The following MNAT1 variants were observed in gnomAD, a reference collection of about 807,000 sequenced individuals.
MNAT1 encodes MNAT1 component of CDK activating kinase.
MNAT1 carries 43 observed loss-of-function variants against 42.0 expected under a neutral mutation model. The ratio of observed to expected loss-of-function variants is 1.02; its 90% confidence interval spans 0.80 to 1.32. The LOEUF (loss-of-function observed/expected upper bound fraction) is 1.32, where lower values mean the gene tolerates loss of function less well. Ranked by LOEUF, MNAT1 falls within the 40% of genes most tolerant of loss-of-function variation. MNAT1 has a pLI of 0.00. For synonymous variants in MNAT1, 118 were observed against 120.0 expected, an observed-to-expected ratio of 0.98 and a Z score of 0.11; for missense variants, 306 against 350.4, an observed-to-expected ratio of 0.87 and a Z score of 1.01.
chr14:60,927,738 C>T (rs2035796171), intron 7 of MNAT1, among the ~76,000 whole-genome samples: 1 of 152,110 alleles, frequency 6.6e-6, no homozygotes, highest in South Asian at 2.1e-4. Flanking sequence ...GCTGCCTCTA[C>T]CCACGGTGAG....
In MNAT1 at chr14:60,894,095, C is replaced by G. The variant is rs190633770; in HGVS notation, c.809+14260C>G. ...GGGCACAGGGCTGTTTCCTGCCTCTCCCCTAGACTTATGCTTTGCATCAGT... is the reference window on the plus strand; with the variant it reads ...GGGCACAGGGCTGTTTCCTGCCTCTGCCCTAGACTTATGCTTTGCATCAGT... On this transcript the variant is annotated intron_variant, in intron 7 of 7. Coordinates refer to ENST00000261245, the MANE Select transcript of MNAT1 (RefSeq NM_002431.4). 1.7e-3 allele frequency among the ~76,000 whole-genome samples: 261 copies of G among 152,230 alleles called. 1 individual carries two copies. The highest frequency in any genetic ancestry group is 5.6e-3 in the African/African-American group (231 of 41,530).
At chr14:60,917,943 T>C (rs186089052) in intron 7 of MNAT1, among the ~76,000 whole-genome samples, 36 of 152,214 alleles carry the variant, frequency 2.4e-4, no homozygotes, top group African/African-American at 8.7e-4. Flanking sequence ...TGTTACTTCT[T>C]CTGGTTCCAC....
At chr14:60,914,114 C>A (rs1391227496) in intron 7 of MNAT1, among the ~76,000 whole-genome samples, 1 of 152,178 alleles carries the variant, frequency 6.6e-6, no homozygotes, top group Non-Finnish European at 1.5e-5. Context: ...GGGCGTAGGA[C>A]CCTCCGAGCC....
At chr14:60,841,586 C>G (rs544710105) in intron 6 of MNAT1, among the ~76,000 whole-genome samples, 150 of 152,190 alleles carry the variant, frequency 9.9e-4, no homozygotes, top group Non-Finnish European at 1.8e-3. Context: ...TATCCTTGTC[C>G]TGCTAATTTC....
intron 1 of MNAT1, among the ~76,000 whole-genome samples, chr14:60,770,777 T>G (rs2031022652): frequency 6.6e-6 from 1 of 152,216 alleles, no homozygotes; most frequent in Non-Finnish European, 1.5e-5. Context: ...TCTTAATTTG[T>G]ATATTTGTTC....
At chr14:60,779,458 A>G (rs2031368127) in intron 1 of MNAT1, among the ~76,000 whole-genome samples, 1 of 152,162 alleles carries the variant, frequency 6.6e-6, no homozygotes, top group African/African-American at 2.4e-5. Flanking sequence ...CTTCTCTTGA[A>G]AGTTTCCCGT....
At chr14:60,737,438 T>G (rs1442928346) in intron 1 of MNAT1, among the ~76,000 whole-genome samples, 1 of 152,136 alleles carries the variant, frequency 6.6e-6, no homozygotes, top group African/African-American at 2.4e-5. Context: ...ATTATGTATA[T>G]TGGATAATCT....
chr14:60,884,860 A>G (rs1036963101), intron 7 of MNAT1, among the ~76,000 whole-genome samples: 1 of 152,004 alleles, frequency 6.6e-6, no homozygotes, highest in Non-Finnish European at 1.5e-5. Flanking sequence ...AACCCCCTTT[A>G]GCATTTCTTG....
chr14:60,950,769 G>C (rs2036366936), intron 7 of MNAT1, among the ~76,000 whole-genome samples: 1 of 152,070 alleles, frequency 6.6e-6, no homozygotes, highest in Admixed American at 6.5e-5. Context: ...TTCATAATTT[G>C]TGGTGATAAT....
intron 7 of MNAT1, among the ~76,000 whole-genome samples, chr14:60,880,280 A>G (rs2034522805): frequency 1.3e-5 from 2 of 152,160 alleles, no homozygotes; most frequent in Admixed American, 1.3e-4. Context: ...GTTGAAAGGT[A>G]TAATGTAAGG....
At chr14:60,875,882 T>C (rs2034426390) in intron 6 of MNAT1, among the ~76,000 whole-genome samples, 1 of 152,142 alleles carries the variant, frequency 6.6e-6, no homozygotes, top group Non-Finnish European at 1.5e-5. Context: ...ATACCCATTC[T>C]GTGTGAGCCT....
intron 1 of MNAT1, among the ~76,000 whole-genome samples, chr14:60,786,010 G>A (rs1012154073): frequency 6.6e-6 from 1 of 151,956 alleles, no homozygotes; most frequent in Admixed American, 6.6e-5. Context: ...AGTACAAACT[G>A]TTGTGGATAT....
At chr14:60,911,539 G>A (rs1323410652) in intron 7 of MNAT1, among the ~76,000 whole-genome samples, 2 of 152,078 alleles carry the variant, frequency 1.3e-5, no homozygotes, top group African/African-American at 4.8e-5. Context: ...GTTCTCGTTG[G>A]TTTCAAAGAA....
chr14:60,794,087 T>A (rs2031920797), intron 1 of MNAT1, among the ~76,000 whole-genome samples: 1 of 152,196 alleles, frequency 6.6e-6, no homozygotes, highest in South Asian at 2.1e-4. Flanking sequence ...TTGAGTCTAA[T>A]CTCCAAGACC....
intron 6 of MNAT1, among the ~76,000 whole-genome samples, chr14:60,832,500 T>C (rs1441955169): frequency 2.0e-5 from 3 of 152,084 alleles, no homozygotes; most frequent in Non-Finnish European, 2.9e-5. Flanking sequence ...ATGTGTGGCG[T>C]TATTTTTGAG....
At chr14:60,926,823 G>T (rs979015763) in intron 7 of MNAT1, among the ~76,000 whole-genome samples, 3 of 152,098 alleles carry the variant, frequency 2.0e-5, no homozygotes, top group Non-Finnish European at 4.4e-5. Flanking sequence ...AGAGGGTGAG[G>T]CTAGAAGTTC....
intron 2 of MNAT1, among the ~76,000 whole-genome samples, chr14:60,796,981 A>C (rs2300473): frequency 6.6e-6 from 1 of 151,948 alleles, no homozygotes; most frequent in Non-Finnish European, 1.5e-5. Context: ...GGGCATAGTA[A>C]ATATATGTGT....
intron 7 of MNAT1, among the ~76,000 whole-genome samples, chr14:60,910,374 G>A (rs974656085): frequency 6.6e-6 from 1 of 152,140 alleles, no homozygotes; most frequent in Non-Finnish European, 1.5e-5. Context: ...GAATAGGAGT[G>A]GTGAGAGAGG....
intron 7 of MNAT1, among the ~76,000 whole-genome samples, chr14:60,942,003 C>CAAAAAAAAAAAAAA (rs3080602): frequency 3.3e-5 from 1 of 29,940 alleles, no homozygotes; most frequent in African/African-American, 1.9e-4. Context: ...GGCTCCATCT[C>CAAAAAAAAAAAAAA]AAAAAAAAAA....
Sources: allele counts gnomAD v4.1 joint callset (sites outside exome capture counted in the v4.1 genomes callset), GRCh38; gene constraint gnomAD v4.1.1; transcripts MANE v1.5; gene names NCBI Gene and HGNC (gene_info 2026-07-23, HGNC 2026-07-21).